ANKRD36: variants seen among roughly 807,000 people sequenced by gnomAD.
The protein encoded by ANKRD36 is ankyrin repeat domain-containing protein 36A.
Under a neutral mutation model 278.1 loss-of-function variants are expected in ANKRD36, and 179 were observed. The observed-to-expected ratio is 0.64, with a 90% CI of 0.57 to 0.73. ANKRD36 has a LOEUF of 0.73. ANKRD36 is among the 30% of genes least tolerant of loss of function. The pLI is 0.00. For synonymous variants in ANKRD36, 320 were observed against 641.1 expected (o/e 0.50, Z 7.57); for missense variants, 1,159 against 1,956.7 (o/e 0.59, Z 7.69).
At chr2:97,218,031 G>C (rs974689413) in intron 64 of ANKRD36, among the ~76,000 whole-genome samples, 1 of 152,076 alleles carries the variant, frequency 6.6e-6, no homozygotes, top group African/African-American at 2.4e-5. Flanking sequence ...AAACCACAGT[G>C]CCTCATTATT....
At chr2:97,173,602 G>A (rs950777086) in intron 22 of ANKRD36, among the ~76,000 whole-genome samples, 8 of 151,806 alleles carry the variant, frequency 5.3e-5, no homozygotes, top group East Asian at 1.9e-4. Context: ...ATGAAGAAAC[G>A]AATGTGGAGG....
intron 6 of ANKRD36, among the ~76,000 whole-genome samples, chr2:97,128,953 C>T (rs575840325): frequency 2.6e-5 from 4 of 152,164 alleles, no homozygotes; most frequent in African/African-American, 9.6e-5. Context: ...GTCTTTATAG[C>T]AGCATGATTT....
chr2:97,144,796 T>C (rs1412389660), intron 10 of ANKRD36, 84 bp downstream of exon 10: 2 of 1,471,334 alleles, frequency 1.4e-6, no homozygotes, highest in South Asian at 1.3e-5. Flanking sequence ...GGGGGCTCAT[T>C]GAAGCTGCGC....
Position 97,196,662 on chromosome 2 carries a change from T to C in ANKRD36, c.2580+41T>C, listed in dbSNP as rs10439527. The C allele has an allele frequency of 1.9e-3, 2,986 of 1,598,614 alleles. No individual in the cohort carries two copies. In the African/African-American group the frequency reaches 0.035, roughly 19 times the overall value. On this transcript the variant is annotated intron_variant, in intron 41 of 75. Transcript: ENST00000420699. ...TTTATCATGTGAACGAGTTAATGTA[T>C]GGTCTATGAAACATACTTTATTTAT...
chr2:97,213,554 A>G lies in ANKRD36; in HGVS notation c.3511A>G (p.Lys1171Glu), dbSNP rs1393443029. The change falls in exon 60 of 76, where the codon AAG (lysine) becomes GAG (glutamate). Residue 1171 changes from lysine (K) to glutamate (E), a missense_variant. By Grantham distance (56) the Lys-to-Glu change is moderately conservative. Transcript: ENST00000420699. ...AAATTCCATTCAGGCTACAAGTGAC[A>G]AGAAAGATTCTGTTTCGAATATACC... ...KQPALKATSDKKDSVSNIPTE... is the reference protein window; with the variant it reads ...KQPALKATSDEKDSVSNIPTE... The G allele has an allele frequency of 1.6e-6, 1 of 640,676 alleles. No individual in the cohort carries two copies. Among genetic ancestry groups the G allele is most frequent in the Non-Finnish European group, 2.5e-6 (1 of 400,702 alleles). 39.7% of individuals were successfully genotyped at this position (640,676 alleles called of 1,614,324 possible). A position where few individuals can be genotyped will look rare whatever the true frequency, so the allele number is the denominator to read the frequency against.
chr2:97,198,287 T>C (rs2153585584), intron 42 of ANKRD36, among the ~76,000 whole-genome samples, 176 bp from the exon 43 acceptor site: 1 of 152,084 alleles, frequency 6.6e-6, no homozygotes, highest in African/African-American at 2.4e-5. Flanking sequence ...GGAGCCTGTA[T>C]TCCCTTTTCT....
At chr2:97,155,799 C>T (rs559506417) in intron 15 of ANKRD36, among the ~76,000 whole-genome samples, 2 of 146,388 alleles carry the variant, frequency 1.4e-5, no homozygotes, top group East Asian at 3.9e-4. Context: ...GCTAGAAAAC[C>T]TATTTGTATG....
At chr2:97,166,926 G>A (rs535946104) in intron 20 of ANKRD36, among the ~76,000 whole-genome samples, 37 of 152,378 alleles carry the variant, frequency 2.4e-4, no homozygotes, top group African/African-American at 8.9e-4. Context: ...TGCACAATGT[G>A]CGGGTTTGTT....
chr2:97,202,666 T>A (rs1194520091), intron 48 of ANKRD36, among the ~76,000 whole-genome samples: 3 of 151,816 alleles, frequency 2.0e-5, no homozygotes, highest in Non-Finnish European at 4.4e-5. Flanking sequence ...AACAGCATAG[T>A]TTTGCTTTAA....
chr2:97,261,453 A>G (rs2076752024), intron 75 of ANKRD36, among the ~76,000 whole-genome samples: 1 of 134,186 alleles, frequency 7.5e-6, no homozygotes, highest in African/African-American at 3.1e-5. Context: ...TTGAAATTCC[A>G]CAACCTCCGT....
intron 75 of ANKRD36, among the ~76,000 whole-genome samples, chr2:97,256,252 A>G (rs374158988): frequency 0.17 from 24,163 of 140,166 alleles, 472 homozygotes; most frequent in African/African-American, 0.35. Context: ...AGCTACTTGG[A>G]AGGCTGAGGT....
chr2:97,206,317 C>T (rs2062839760), intron 52 of ANKRD36, among the ~76,000 whole-genome samples, 182 bp downstream of exon 52: 1 of 151,408 alleles, frequency 6.6e-6, no homozygotes, highest in African/African-American at 2.4e-5. Context: ...ATGATCTTCG[C>T]TGTAAGATTA....
At chr2:97,183,337 A>G (rs1346192042) in intron 26 of ANKRD36, 122 bp from the exon 27 acceptor site, 22 of 1,270,686 alleles carry the variant, frequency 1.7e-5, no homozygotes, top group Non-Finnish European at 2.2e-5. Context: ...ACAAACTGTA[A>G]AACATCAAAT....
At chr2:97,178,380 C>T (rs1420081789) in intron 22 of ANKRD36, among the ~76,000 whole-genome samples, 2 of 151,706 alleles carry the variant, frequency 1.3e-5, no homozygotes, top group African/African-American at 2.4e-5. Context: ...CATGCACACG[C>T]ATGCTTATTA....
chr2:97,114,019 G>T, intron 1 of ANKRD36, 83 bp downstream of exon 1: 1 of 1,548,424 alleles, frequency 6.5e-7, no homozygotes, highest in Non-Finnish European at 8.7e-7. Context: ...GGGCTGCGGG[G>T]CGGATGGTCC....
At chr2:97,200,608 T>G in intron 46 of ANKRD36, 83 bp downstream of exon 46, 2 of 1,522,704 alleles carry the variant, frequency 1.3e-6, no homozygotes, top group Non-Finnish European at 1.8e-6. Flanking sequence ...GGGGGCTGGT[T>G]GAAGCTGCAC....
intron 66 of ANKRD36, among the ~76,000 whole-genome samples, chr2:97,223,008 T>C (rs2068194506): frequency 6.6e-6 from 1 of 152,046 alleles, no homozygotes. Flanking sequence ...GTTGCACTGA[T>C]TTTGAAGTAT....
In ANKRD36 at chr2:97,177,895, A is replaced by G. The variant is rs1425622788; in HGVS notation, c.1634-1843A>G. Reference sequence around the variant, plus strand: ...TACCATCAGAGTGAACAGGCAACCTACAAAATGGGAGAAAATTTTTGCAAC... The same window carrying G: ...TACCATCAGAGTGAACAGGCAACCTGCAAAATGGGAGAAAATTTTTGCAAC... On this transcript the variant is annotated intron_variant, in intron 22 of 75. Coordinates refer to ENST00000420699, the MANE Select transcript of ANKRD36 (RefSeq NM_001354587.1). Among the ~76,000 whole-genome samples, 3 of 151,604 alleles carry G rather than the reference A, an allele frequency of 2.0e-5. No individual in the cohort carries two copies. In the Admixed American group the frequency reaches 2.0e-4, roughly 10 times the overall value.
At chr2:97,210,514 C>T (rs1177736750) in intron 56 of ANKRD36, among the ~76,000 whole-genome samples, 2 of 151,820 alleles carry the variant, frequency 1.3e-5, no homozygotes, top group Non-Finnish European at 2.9e-5. Flanking sequence ...ACCACACTGA[C>T]TCATTACTCC....
Sources: gnomAD v4.1 joint callset for allele counts (sites outside exome capture counted in the v4.1 genomes callset) on GRCh38, gnomAD v4.1.1 for gene constraint, MANE v1.5 for transcripts, NCBI Gene and HGNC (gene_info 2026-07-23, HGNC 2026-07-21) for gene names.